Variants in KAZN observed in about 807,000 individuals in gnomAD.
The protein encoded by KAZN is kazrin, periplakin interacting protein.
In KAZN, 40 loss-of-function variants were observed where a neutral mutation model predicts 87.4. The observed-to-expected ratio is 0.46, with a 90% CI of 0.36 to 0.60. KAZN has a LOEUF of 0.60. KAZN is among the 20% of genes least tolerant of loss of function. The probability of loss-of-function intolerance (pLI) is 0.00; values close to 1 mark genes in which losing one functional copy is unlikely to be tolerated. For synonymous variants in KAZN, 466 were observed against 458.3 expected (o/e 1.02, Z -0.22); for missense variants, 898 against 1,073.9 (o/e 0.84, Z 2.29).
At chr1:14,883,447 G>A (rs1232598713) in intron 1 of KAZN, among the ~76,000 whole-genome samples, 1 of 147,400 alleles carries the variant, frequency 6.8e-6, no homozygotes, top group Non-Finnish European at 1.5e-5. Context: ...GAGCTCTTCT[G>A]TTGCAGGGTG....
At position 14,924,015 on chromosome 1, in the gene KAZN, C is replaced by G; in HGVS notation, c.227-36669C>G. 3 of 689,898 alleles carry G rather than the reference C, an allele frequency of 4.3e-6. No homozygotes were observed. The South Asian group carries it at 1.9e-4, about 44-fold the overall frequency. 42.7% of individuals were successfully genotyped at this position (689,898 alleles called of 1,614,324 possible). On this transcript the variant is annotated intron_variant, in intron 1 of 14. Transcript: ENST00000376030. Reference sequence around the variant, plus strand: ...ACAACGGGGCGACGCGGCGGCGCTCCCCGGGCACTGGGGCCAGTCTGGGCG... The same window carrying G: ...ACAACGGGGCGACGCGGCGGCGCTCGCCGGGCACTGGGGCCAGTCTGGGCG...
intron 1 of KAZN, among the ~76,000 whole-genome samples, chr1:13,938,796 T>A (rs954000557): frequency 1.3e-5 from 2 of 152,250 alleles, no homozygotes; most frequent in Non-Finnish European, 2.9e-5. Flanking sequence ...CCAAACCTCC[T>A]TCACTCTCTG....
intron 10 of KAZN, among the ~76,000 whole-genome samples, chr1:15,100,096 AGC>A: frequency 6.6e-6 from 1 of 152,280 alleles, no homozygotes; most frequent in African/African-American, 2.4e-5. Context: ...CTCAGAGCTT[AGC>A]TGCTCAGAAG....
Position 15,066,065 on chromosome 1 carries a change from AGTTGT to A in KAZN, c.1222+318_1222+322del. 2 of 1,191,556 alleles carry A rather than the reference AGTTGT, an allele frequency of 1.7e-6. No homozygotes were observed. Among genetic ancestry groups the A allele is most frequent in the Non-Finnish European group, 2.1e-6 (2 of 962,480 alleles). 73.8% of individuals were successfully genotyped at this position (1,191,556 alleles called of 1,614,324 possible). A position where few individuals can be genotyped will look rare whatever the true frequency, so the allele number is the denominator to read the frequency against. On this transcript the variant is annotated intron_variant, in intron 8 of 14. Coordinates refer to ENST00000376030, the MANE Select transcript of KAZN (RefSeq NM_201628.3). The surrounding 1 kb of genome is among the most constrained non-coding windows in gnomAD (Gnocchi z 4.3). ...CTCTCTGTCGTCTTTGGAGCGATAC[AGTTGT>A]GTTGTTAATCTGGTTTATTATTTTT... is the stretch of plus-strand genomic sequence containing the variant.
At chr1:14,202,455 T>G (rs543158015) in intron 2 of KAZN, among the ~76,000 whole-genome samples, 2 of 152,326 alleles carry the variant, frequency 1.3e-5, no homozygotes, top group Admixed American at 1.3e-4. Context: ...AAGCTTCTCC[T>G]GTATTGGAGG....
intron 1 of KAZN, among the ~76,000 whole-genome samples, chr1:13,942,300 G>C (rs948613402): frequency 2.6e-5 from 4 of 151,704 alleles, no homozygotes; most frequent in Non-Finnish European, 5.9e-5. Context: ...CAGCACTTTG[G>C]GAGGCCGAGG....
At chr1:14,305,367 A>G in intron 2 of KAZN, among the ~76,000 whole-genome samples, 1 of 152,224 alleles carries the variant, frequency 6.6e-6, no homozygotes, top group Non-Finnish European at 1.5e-5. Flanking sequence ...AAACATTTGA[A>G]CATGTATACA....
At chr1:15,054,708 A>G (rs60024378) in intron 4 of KAZN, among the ~76,000 whole-genome samples, 10,329 of 152,220 alleles carry the variant, frequency 0.068, 1,118 homozygotes, top group African/African-American at 0.23. Flanking sequence ...CATTTCTAAT[A>G]CTTGCCGTTT....
At chr1:14,432,555 AT>A (rs909880085) in intron 2 of KAZN, among the ~76,000 whole-genome samples, 19 of 150,246 alleles carry the variant, frequency 1.3e-4, no homozygotes, top group South Asian at 4.2e-4. Context: ...CTTTTTTATA[AT>A]TTTTTTTTTA....
At chr1:14,446,723 A>T (rs1571669443) in intron 2 of KAZN, among the ~76,000 whole-genome samples, 1 of 152,270 alleles carries the variant, frequency 6.6e-6, no homozygotes, top group African/African-American at 2.4e-5. Flanking sequence ...AGTCTAGTGC[A>T]AACCTCTCCA....
At chr1:14,650,494 G>A (rs1362876358) in intron 1 of KAZN, among the ~76,000 whole-genome samples, 2 of 152,154 alleles carry the variant, frequency 1.3e-5, no homozygotes, top group East Asian at 1.9e-4. Context: ...AGCCATGTTC[G>A]TGCCACTGCA....
At chr1:14,224,888 C>G (rs1647208809) in intron 2 of KAZN, among the ~76,000 whole-genome samples, 1 of 151,940 alleles carries the variant, frequency 6.6e-6, no homozygotes, top group Non-Finnish European at 1.5e-5. Flanking sequence ...AATTTCAAAG[C>G]AAAGTGAATA....
chr1:14,433,674 A>G (rs765609289), intron 2 of KAZN, among the ~76,000 whole-genome samples: 10 of 152,214 alleles, frequency 6.6e-5, no homozygotes, highest in Non-Finnish European at 1.5e-4. Context: ...CCTGACCAAC[A>G]TGGCAAATCC....
chr1:14,361,003 G>T (rs1557662557), intron 2 of KAZN, among the ~76,000 whole-genome samples: 2 of 152,354 alleles, frequency 1.3e-5, no homozygotes. Flanking sequence ...AGAGCCAGCA[G>T]GCAGGAATGT....
Position 14,794,635 on chromosome 1 carries a change from G to A in KAZN, c.227-166049G>A, listed in dbSNP as rs368902993. Among the ~76,000 whole-genome samples, 31 of 152,326 alleles carry A rather than the reference G, an allele frequency of 2.0e-4. 1 individual carries two copies. Among genetic ancestry groups the A allele is most frequent in the Middle Eastern group, 6.8e-3 (2 of 294 alleles). ...CCCTGATGGCAGAGTCATGGGAGTC[G>A]GCTCTCAGGAGCCAGTGAAGTCAGC... On this transcript the variant is annotated intron_variant, in intron 1 of 14. Transcript: ENST00000376030.
chr1:14,524,586 A>G (rs1671768287), intron 2 of KAZN, among the ~76,000 whole-genome samples: 1 of 152,224 alleles, frequency 6.6e-6, no homozygotes, highest in Non-Finnish European at 1.5e-5. Flanking sequence ...ATGGTGATTA[A>G]GGTACTTGCT....
chr1:14,846,168 G>A (rs1648738693), intron 1 of KAZN, among the ~76,000 whole-genome samples: 1 of 152,204 alleles, frequency 6.6e-6, no homozygotes, highest in Non-Finnish European at 1.5e-5. Context: ...ATAGCGGCAT[G>A]TCTTGGAGCT....
intron 2 of KAZN, among the ~76,000 whole-genome samples, chr1:14,219,159 G>GACAT (rs1647035446): frequency 1.3e-5 from 2 of 152,048 alleles, no homozygotes; most frequent in East Asian, 3.8e-4. Context: ...GACTAATAGA[G>GACAT]ACATAAAAAT....
At chr1:14,148,892 AG>A (rs1645408249) in intron 1 of KAZN, among the ~76,000 whole-genome samples, 1 of 152,168 alleles carries the variant, frequency 6.6e-6, no homozygotes, top group South Asian at 2.1e-4. Context: ...TGTTTGACAA[AG>A]AACACTCCAC....
Sources: gnomAD v4.1 joint callset for allele counts (sites outside exome capture counted in the v4.1 genomes callset) on GRCh38, gnomAD v4.1.1 for gene constraint, Gnocchi (gnomAD v3.1) non-coding constraint, MANE v1.5 for transcripts, NCBI Gene and HGNC (gene_info 2026-07-23, HGNC 2026-07-21) for gene names.